Variants in NPAS3 observed in about 807,000 individuals in gnomAD.
NPAS3 encodes the protein neuronal PAS domain-containing protein 3.
A neutral mutation model predicts 73.1 loss-of-function variants in NPAS3; 14 were observed. That is an observed-to-expected ratio of 0.19 (90% CI 0.13 to 0.30). NPAS3 has a LOEUF of 0.30. Ranked by LOEUF, NPAS3 falls within the 10% of genes least tolerant of loss-of-function variation. The probability of loss-of-function intolerance (pLI) is 1.00; values close to 1 mark genes in which losing one functional copy is unlikely to be tolerated. For missense variants in NPAS3, 1,096 were observed against 1,250.0 expected, an observed-to-expected ratio of 0.88 and a Z score of 1.86; for synonymous variants, 620 against 541.5, an observed-to-expected ratio of 1.14 and a Z score of -2.01.
chr14:33,110,777 CCG>C (rs200898050), intron 2 of NPAS3, among the ~76,000 whole-genome samples: 5,834 of 152,220 alleles, frequency 0.038, 116 homozygotes, highest in African/African-American at 0.048. Context: ...TAGGTTCAGT[CCG>C]GGGACGGGAA....
intron 4 of NPAS3, among the ~76,000 whole-genome samples, chr14:33,524,054 A>G (rs370205280): frequency 6.6e-6 from 1 of 152,240 alleles, no homozygotes; most frequent in African/African-American, 2.4e-5. Flanking sequence ...TCTGATTCAG[A>G]TGGACTTTGG....
intron 5 of NPAS3, among the ~76,000 whole-genome samples, chr14:33,599,341 G>T (rs562265085): frequency 6.6e-6 from 1 of 152,272 alleles, no homozygotes; most frequent in South Asian, 2.1e-4. Flanking sequence ...ATATTTTGAA[G>T]AATTAGGTAT....
chr14:32,935,295 A>G (rs1241148234), upstream of NPAS3, among the ~76,000 whole-genome samples: 2 of 152,166 alleles, frequency 1.3e-5, no homozygotes, highest in Non-Finnish European at 2.9e-5. Flanking sequence ...ACGCCGCACA[A>G]GGTGCTTTTG....
intron 5 of NPAS3, among the ~76,000 whole-genome samples, chr14:33,650,150 C>T (rs552384256): frequency 2.6e-5 from 4 of 152,240 alleles, no homozygotes; most frequent in East Asian, 1.9e-4. Flanking sequence ...GACCTCACTT[C>T]GAGAAAACTC....
intron 3 of NPAS3, among the ~76,000 whole-genome samples, chr14:33,253,409 T>A (rs988196389): frequency 6.6e-6 from 1 of 152,058 alleles, no homozygotes; most frequent in Non-Finnish European, 1.5e-5. Flanking sequence ...CCCAAGCTAG[T>A]GATTTTTATT....
chr14:33,040,681 A>G (rs547510928), intron 1 of NPAS3, among the ~76,000 whole-genome samples: 37 of 152,264 alleles, frequency 2.4e-4, no homozygotes, highest in South Asian at 8.3e-4. Flanking sequence ...TAAAGCCCCA[A>G]GGTTGTGTTC....
chr14:33,283,548 A>G (rs574866490), intron 3 of NPAS3, among the ~76,000 whole-genome samples: 125 of 152,334 alleles, frequency 8.2e-4, no homozygotes, highest in South Asian at 2.3e-3. Flanking sequence ...CATAGGAATC[A>G]TCTGACCACA....
In NPAS3 at chr14:33,079,469, C is replaced by T. The variant is rs539627478; in HGVS notation, c.140+23475C>T. Among the ~76,000 whole-genome samples the T allele has an allele frequency of 3.3e-4, 50 of 151,718 alleles. No homozygotes were observed. In the East Asian group the frequency reaches 8.4e-3, roughly 25 times the overall value. ...GAGTAGCTGGGATCACAGGTGCACG[C>T]CAGCACGCCCAGCTAATTTTGTATT... On this transcript the variant is annotated intron_variant, in intron 2 of 11. Transcript: ENST00000356141.
chr14:33,140,700 T>TA (rs2044014035), intron 2 of NPAS3, among the ~76,000 whole-genome samples: 1 of 152,138 alleles, frequency 6.6e-6, no homozygotes, highest in Admixed American at 6.6e-5. Context: ...GAAGAATCAC[T>TA]AAAAAATGGT....
intron 3 of NPAS3, among the ~76,000 whole-genome samples, chr14:33,331,626 G>A (rs1156731034): frequency 1.3e-5 from 2 of 148,550 alleles, no homozygotes; most frequent in East Asian, 4.0e-4. Flanking sequence ...TCTTTAATTC[G>A]CTGCTTCAGA....
intron 4 of NPAS3, among the ~76,000 whole-genome samples, chr14:33,526,481 A>G (rs1413389912): frequency 6.6e-6 from 1 of 152,170 alleles, no homozygotes; most frequent in African/African-American, 2.4e-5. Flanking sequence ...AAGAGGTTTC[A>G]GTATGTATAC....
At chr14:33,198,998 C>T (rs1459418213) in intron 2 of NPAS3, among the ~76,000 whole-genome samples, 1 of 152,170 alleles carries the variant, frequency 6.6e-6, no homozygotes, top group East Asian at 1.9e-4. Flanking sequence ...CCCACACTGT[C>T]CGTGGCCGGC....
intron 3 of NPAS3, among the ~76,000 whole-genome samples, chr14:33,355,733 C>T (rs1260953420): frequency 6.6e-6 from 1 of 152,166 alleles, no homozygotes; most frequent in Non-Finnish European, 1.5e-5. Context: ...CTTCCCTTCA[C>T]CTGGACATCA....
chr14:33,762,933 G>A (rs962089338), intron 7 of NPAS3, among the ~76,000 whole-genome samples: 1 of 152,158 alleles, frequency 6.6e-6, no homozygotes, highest in Non-Finnish European at 1.5e-5. Flanking sequence ...AGAGAAATAA[G>A]CACATTTGGG....
At chr14:33,709,782 C>T (rs1299311133) in intron 6 of NPAS3, among the ~76,000 whole-genome samples, 1 of 152,184 alleles carries the variant, frequency 6.6e-6, no homozygotes, top group Non-Finnish European at 1.5e-5. Context: ...TCTGCTTCAC[C>T]AAATAAGAGG....
At chr14:33,203,332 T>C (rs2046692159) in intron 2 of NPAS3, among the ~76,000 whole-genome samples, 1 of 152,190 alleles carries the variant, frequency 6.6e-6, no homozygotes, top group Admixed American at 6.5e-5. Flanking sequence ...TTTATTTATG[T>C]ATTTTTGTTT....
At chr14:33,236,543 A>G (rs576016435) in intron 3 of NPAS3, among the ~76,000 whole-genome samples, 1 of 152,250 alleles carries the variant, frequency 6.6e-6, no homozygotes, top group Non-Finnish European at 1.5e-5. Flanking sequence ...CATTTGTGAG[A>G]GCATCGAATA....
intron 1 of NPAS3, among the ~76,000 whole-genome samples, chr14:32,970,917 G>T (rs912480054): frequency 2.0e-5 from 3 of 151,940 alleles, no homozygotes; most frequent in African/African-American, 7.3e-5. Flanking sequence ...TAGGGACTGG[G>T]GGTTAGAACT....
Position 33,281,100 on chromosome 14 carries a change from A to G in NPAS3, c.385+65674A>G, listed in dbSNP as rs549873544. Among the ~76,000 whole-genome samples the G allele has an allele frequency of 5.9e-5, 9 of 152,234 alleles. No individual in the cohort carries two copies. In the East Asian group the frequency reaches 1.5e-3, roughly 26 times the overall value. The stretch of plus-strand genomic sequence containing the variant: ...TTCTTACGGTAGTGAAGCTGGATAC[A>G]TTTGTCTGAGGGTTTTCTGGGAACC... On this transcript the variant is annotated intron_variant, in intron 3 of 11. Coordinates refer to ENST00000356141, the Ensembl canonical transcript of NPAS3.
Sources: allele counts gnomAD v4.1 joint callset (sites outside exome capture counted in the v4.1 genomes callset), GRCh38; gene constraint gnomAD v4.1.1; transcripts MANE v1.5; gene names NCBI Gene and HGNC (gene_info 2026-07-23, HGNC 2026-07-21).